Variants in HDAC9 observed in about 807,000 individuals in gnomAD.
The protein encoded by HDAC9 is histone deacetylase 9, also known as MEF-2 interacting transcription repressor (MITR) protein.
HDAC9 carries 41 observed loss-of-function variants against 139.4 expected under a neutral mutation model. The observed-to-expected ratio is 0.29, with a 90% CI of 0.23 to 0.38. HDAC9 has a LOEUF of 0.38. Ranked by LOEUF, HDAC9 falls within the 10% of genes least tolerant of loss-of-function variation. HDAC9 has a pLI of 1.00. For missense variants in HDAC9, 1,147 were observed against 1,297.0 expected, an observed-to-expected ratio of 0.88 and a Z score of 1.78; for synonymous variants, 517 against 476.2, an observed-to-expected ratio of 1.09 and a Z score of -1.12.
At chr7:18,174,292 G>T (rs927920733) in intron 2 of HDAC9, among the ~76,000 whole-genome samples, 1 of 152,094 alleles carries the variant, frequency 6.6e-6, no homozygotes, top group African/African-American at 2.4e-5. Context: ...ATGGTTTTCA[G>T]CTCCATCAGG....
At chr7:18,949,511 G>A (rs1044905742) in intron 23 of HDAC9, 1 of 216,244 alleles carries the variant, frequency 4.6e-6, no homozygotes, top group Non-Finnish European at 9.8e-6. Flanking sequence ...ACTGTTGGCT[G>A]TACAGACATT....
intron 22 of HDAC9, among the ~76,000 whole-genome samples, chr7:18,925,820 T>A (rs1198121858): frequency 6.6e-6 from 1 of 151,910 alleles, no homozygotes; most frequent in Non-Finnish European, 1.5e-5. Context: ...CCACAATGTC[T>A]TTTTTAAAAA....
intron 16 of HDAC9, among the ~76,000 whole-genome samples, chr7:18,786,796 T>TTTCTTTCCTTCC (rs1554355285): frequency 1.1e-4 from 5 of 44,060 alleles, no homozygotes; most frequent in African/African-American, 3.7e-4. Context: ...TCTTTCTTTC[T>TTTCTTTCCTTCC]TTCCTTCCTT....
chr7:18,460,788 CAAAAAAAAA>C (rs750144894), intron 1 of HDAC9, among the ~76,000 whole-genome samples: 1 of 45,310 alleles, frequency 2.2e-5, no homozygotes, highest in African/African-American at 7.7e-5. Flanking sequence ...AACTCTGTCT[CAAAAAAAAA>C]AAAAAAAAAA....
intron 1 of HDAC9, among the ~76,000 whole-genome samples, chr7:18,474,117 C>T (rs537116663): frequency 6.6e-6 from 1 of 152,242 alleles, no homozygotes; most frequent in African/African-American, 2.4e-5. Context: ...TGATTGTGAG[C>T]CTTGGTAATC....
intron 12 of HDAC9, among the ~76,000 whole-genome samples, chr7:18,682,164 G>A (rs1781932901): frequency 6.6e-6 from 1 of 151,950 alleles, no homozygotes; most frequent in Admixed American, 6.6e-5. Flanking sequence ...GTTTCCACAT[G>A]CAAAGTATAA....
chr7:18,705,223 A>G (rs971922312), intron 12 of HDAC9, among the ~76,000 whole-genome samples: 2 of 152,130 alleles, frequency 1.3e-5, no homozygotes, highest in African/African-American at 4.8e-5. Flanking sequence ...TGACTTGCCA[A>G]AATGTCAGCC....
At chr7:18,153,340 A>G (rs142065607) in intron 1 of HDAC9, among the ~76,000 whole-genome samples, 4 of 126,302 alleles carry the variant, frequency 3.2e-5, no homozygotes, top group African/African-American at 1.1e-4. Context: ...GAGCCCTGTT[A>G]TGGAATTTTC....
intron 2 of HDAC9, among the ~76,000 whole-genome samples, chr7:18,277,692 C>T (rs902967686): frequency 5.3e-5 from 8 of 152,056 alleles, no homozygotes; most frequent in African/African-American, 1.2e-4. Context: ...CAACTTCTTT[C>T]GACTGTCTTG....
chr7:18,474,656 T>C (rs545899315), intron 1 of HDAC9, among the ~76,000 whole-genome samples: 1 of 152,332 alleles, frequency 6.6e-6, no homozygotes, highest in Non-Finnish European at 1.5e-5. Flanking sequence ...TATCTTGAGC[T>C]GAGATTCATA....
Position 18,557,943 on chromosome 7 carries a change from A to C in HDAC9, c.23-27338A>C, listed in dbSNP as rs78676665. Among the ~76,000 whole-genome samples, 1,349 of 152,128 alleles carry C rather than the reference A, an allele frequency of 8.9e-3. 24 individuals carry two copies. Among genetic ancestry groups the C allele is most frequent in the African/African-American group, 0.031 (1,294 of 41,534 alleles). On this transcript the variant is annotated intron_variant, in intron 2 of 25. Transcript: ENST00000686413. Reference sequence around the variant, plus strand: ...ATCTAGCATTTAAAAGTTCTTTAACAATATAGGAAACCTAGAATAAACAAG... The same window carrying C: ...ATCTAGCATTTAAAAGTTCTTTAACCATATAGGAAACCTAGAATAAACAAG...
intron 23 of HDAC9, among the ~76,000 whole-genome samples, chr7:18,939,275 C>T (rs1781862743): frequency 6.6e-6 from 1 of 152,018 alleles, no homozygotes; most frequent in Non-Finnish European, 1.5e-5. Context: ...TATAGAATTC[C>T]TAGCAGATAC....
At chr7:18,121,956 C>T (rs748306584) in intron 1 of HDAC9, among the ~76,000 whole-genome samples, 25 of 152,090 alleles carry the variant, frequency 1.6e-4, no homozygotes, top group African/African-American at 3.1e-4. Context: ...TGATTTGAAT[C>T]GGAATTATTA....
At chr7:18,098,182 G>C (rs1782630618) in intron 1 of HDAC9, among the ~76,000 whole-genome samples, 1 of 152,160 alleles carries the variant, frequency 6.6e-6, no homozygotes, top group Non-Finnish European at 1.5e-5. Context: ...GATACTACAG[G>C]ACTGTCATTT....
intron 2 of HDAC9, among the ~76,000 whole-genome samples, chr7:18,516,440 G>A (rs536239870): frequency 1.3e-5 from 2 of 152,034 alleles, no homozygotes; most frequent in Non-Finnish European, 2.9e-5. Flanking sequence ...TCACCTTACC[G>A]CCCTAGTCAA....
chr7:18,322,804 A>G (rs1009516995), intron 1 of HDAC9, among the ~76,000 whole-genome samples: 2 of 152,178 alleles, frequency 1.3e-5, no homozygotes, highest in Non-Finnish European at 2.9e-5. Context: ...TAGTTTCAAG[A>G]TGAAGAAAGA....
At chr7:18,608,582 T>G (rs1836198513) in intron 6 of HDAC9, among the ~76,000 whole-genome samples, 1 of 152,178 alleles carries the variant, frequency 6.6e-6, no homozygotes, top group Non-Finnish European at 1.5e-5. Flanking sequence ...CTCATATCAT[T>G]GTAATTTTTG....
intron 1 of HDAC9, among the ~76,000 whole-genome samples, chr7:18,135,672 T>C (rs1437003064): frequency 6.9e-6 from 1 of 143,930 alleles, no homozygotes; most frequent in African/African-American, 2.7e-5. Flanking sequence ...ATGGTGTATA[T>C]GTGCCACAGT....
intron 1 of HDAC9, among the ~76,000 whole-genome samples, chr7:18,305,108 A>C (rs1444523649): frequency 1.3e-5 from 2 of 152,064 alleles, no homozygotes. Flanking sequence ...TCTGGGTAGC[A>C]CCTTTCCCTC....
Sources: allele counts gnomAD v4.1 joint callset (sites outside exome capture counted in the v4.1 genomes callset), GRCh38; gene constraint gnomAD v4.1.1; transcripts MANE v1.5; gene names NCBI Gene and HGNC (gene_info 2026-07-23, HGNC 2026-07-21).